PPP1R9A: variants seen among roughly 807,000 people sequenced by gnomAD.
PPP1R9A encodes protein phosphatase 1 regulatory subunit 9A.
In PPP1R9A, 59 loss-of-function variants were observed where a neutral mutation model predicts 141.9. That is an observed-to-expected ratio of 0.42 (90% CI 0.34 to 0.52). PPP1R9A has a LOEUF of 0.52. PPP1R9A is among the 20% of genes least tolerant of loss of function. PPP1R9A has a pLI of 0.10. For synonymous variants in PPP1R9A, 500 were observed against 569.7 expected, an observed-to-expected ratio of 0.88 and a Z score of 1.74; for missense variants, 1,444 against 1,611.9, an observed-to-expected ratio of 0.90 and a Z score of 1.78.
chr7:94,998,138 C>G (rs543733960), intron 2 of PPP1R9A, among the ~76,000 whole-genome samples: 1 of 152,048 alleles, frequency 6.6e-6, no homozygotes, highest in East Asian at 1.9e-4. Flanking sequence ...GTTTATTTTT[C>G]TTGTTTAGTG....
chr7:95,186,400 T>A (rs1471791509), intron 5 of PPP1R9A, among the ~76,000 whole-genome samples: 2 of 152,164 alleles, frequency 1.3e-5, no homozygotes, highest in East Asian at 3.9e-4. Context: ...ATTTGTCAGA[T>A]CCAGGAGCTT....
rs530209582 is a variant in PPP1R9A, at chr7:95,200,456, T to A, written c.1890+1972T>A. On this transcript the variant is annotated intron_variant, in intron 6 of 19. Coordinates refer to ENST00000433360, the MANE Select transcript of PPP1R9A (RefSeq NM_001166160.2). ...CCTGCTAATTAAAAAAAAAAAATTT[T>A]TTTTTTATAGATGAGGTCTCACTAT... Among the ~76,000 whole-genome samples, 14 of 151,986 alleles carry A rather than the reference T, an allele frequency of 9.2e-5. 1 individual carries two copies. In the East Asian group the frequency reaches 2.7e-3, roughly 30 times the overall value.
chr7:95,103,868 G>A (rs974194069), intron 2 of PPP1R9A, among the ~76,000 whole-genome samples: 1 of 152,164 alleles, frequency 6.6e-6, no homozygotes, highest in Non-Finnish European at 1.5e-5. Flanking sequence ...GAGATAATTT[G>A]TGTAAAGTGC....
chr7:95,127,568 G>A (rs1009536169), intron 4 of PPP1R9A, among the ~76,000 whole-genome samples: 22 of 150,782 alleles, frequency 1.5e-4, no homozygotes, highest in Non-Finnish European at 3.1e-4. Context: ...TTGTTAACTG[G>A]GTATATTGTG....
At chr7:95,061,823 A>C (rs1219073084) in intron 2 of PPP1R9A, among the ~76,000 whole-genome samples, 2 of 152,222 alleles carry the variant, frequency 1.3e-5, no homozygotes, top group African/African-American at 4.8e-5. Flanking sequence ...AGATACAATA[A>C]AACTTTATTA....
chr7:95,290,575 A>G lies in PPP1R9A; in HGVS notation c.*272A>G. 2.6e-6 allele frequency: 1 copy of G among 388,046 alleles called. No individual in the cohort carries two copies. Among genetic ancestry groups the G allele is most frequent in the Non-Finnish European group, 4.8e-6 (1 of 209,694 alleles). The allele number at this position is 388,046 out of a possible 1,614,324, so 24.0% of individuals were successfully genotyped here. ...TGTTTTGCTCTTCTCTAACTTACCA[A>G]CATCTTGTGTTGTGTTGGGTGTGTT... On this transcript the variant is annotated 3_prime_UTR_variant, in exon 20 of 20. Coordinates refer to ENST00000433360, the MANE Select transcript of PPP1R9A (RefSeq NM_001166160.2).
At chr7:95,232,703 G>A (rs1471246028) in intron 8 of PPP1R9A, among the ~76,000 whole-genome samples, 1 of 152,030 alleles carries the variant, frequency 6.6e-6, no homozygotes, top group African/African-American at 2.4e-5. Flanking sequence ...CAAAAAGTGG[G>A]CTAAGGATAT....
chr7:95,050,921 C>T (rs1810706808), intron 2 of PPP1R9A, among the ~76,000 whole-genome samples: 1 of 152,114 alleles, frequency 6.6e-6, no homozygotes, highest in South Asian at 2.1e-4. Context: ...ATGGGGGTCC[C>T]ATCAGTGCCA....
At chr7:95,074,284 A>T (rs1395766218) in intron 2 of PPP1R9A, among the ~76,000 whole-genome samples, 1 of 152,070 alleles carries the variant, frequency 6.6e-6, no homozygotes, top group Non-Finnish European at 1.5e-5. Flanking sequence ...TCCCATCTTA[A>T]TATTACTATA....
intron 16 of PPP1R9A, among the ~76,000 whole-genome samples, chr7:95,277,313 T>C (rs896877442): frequency 2.0e-5 from 3 of 152,290 alleles, no homozygotes; most frequent in African/African-American, 7.2e-5. Context: ...ATGCGCGACA[T>C]GAGACAACTA....
intron 8 of PPP1R9A, among the ~76,000 whole-genome samples, chr7:95,234,529 C>T (rs1388098922): frequency 7.2e-5 from 11 of 152,114 alleles, no homozygotes; most frequent in South Asian, 4.1e-4. Flanking sequence ...AAATCATAGA[C>T]GACACAAACA....
At chr7:95,229,077 C>G (rs1020209525) in intron 8 of PPP1R9A, among the ~76,000 whole-genome samples, 12 of 151,986 alleles carry the variant, frequency 7.9e-5, no homozygotes, top group African/African-American at 2.9e-4. Context: ...GCACTCCAGC[C>G]TGAGTGACAG....
In PPP1R9A at chr7:95,273,905, C is replaced by T. The variant is rs758433687; in HGVS notation, c.3131C>T (p.Ala1044Val). The T allele has an allele frequency of 2.0e-6, 3 of 1,500,562 alleles. No homozygotes were observed. 93.0% of individuals were successfully genotyped at this position (1,500,562 alleles called of 1,614,324 possible). Residue 1044 changes from alanine (A) to valine (V), a missense_variant, in exon 15 of 20, where the codon GCC becomes GTC. By Grantham distance (64) the Ala-to-Val change is moderately conservative. Coordinates refer to ENST00000433360, the MANE Select transcript of PPP1R9A (RefSeq NM_001166160.2). ...NKKILREKDDAKDPKSLRASS... is the reference protein window; with the variant it reads ...NKKILREKDDVKDPKSLRASS... ...ACAAATGTGTATATCCTAGATGATG[C>T]CAAAGATCCCAAATCACTAAGGGCA...
chr7:95,174,638 A>G (rs1477350483), intron 5 of PPP1R9A, among the ~76,000 whole-genome samples: 1 of 152,152 alleles, frequency 6.6e-6, no homozygotes, highest in Non-Finnish European at 1.5e-5. Context: ...GTGTCTCTTT[A>G]ACAAAGGCAG....
At chr7:95,053,105 G>A (rs772830162) in intron 2 of PPP1R9A, among the ~76,000 whole-genome samples, 2 of 152,090 alleles carry the variant, frequency 1.3e-5, no homozygotes, top group African/African-American at 2.4e-5. Flanking sequence ...TAGTAGCATT[G>A]GTGGGACGAC....
At chr7:95,092,690 T>C (rs1481895194) in intron 2 of PPP1R9A, among the ~76,000 whole-genome samples, 4 of 152,232 alleles carry the variant, frequency 2.6e-5, no homozygotes, top group African/African-American at 4.8e-5. Context: ...ACTAGTCCTG[T>C]GCTGAAGATG....
chr7:95,145,547 T>C (rs1827448618), intron 4 of PPP1R9A, among the ~76,000 whole-genome samples: 3 of 152,226 alleles, frequency 2.0e-5, no homozygotes, highest in African/African-American at 7.2e-5. Flanking sequence ...TTTGTTACTT[T>C]TGAATGTCAG....
chr7:95,205,180 T>G (rs1790523212), intron 7 of PPP1R9A, among the ~76,000 whole-genome samples: 1 of 152,250 alleles, frequency 6.6e-6, no homozygotes, highest in African/African-American at 2.4e-5. Flanking sequence ...GATAGGAACC[T>G]TCATCTAAAC....
intron 2 of PPP1R9A, among the ~76,000 whole-genome samples, chr7:95,042,407 CT>C (rs1554479196): frequency 6.6e-6 from 1 of 152,102 alleles, no homozygotes; most frequent in Non-Finnish European, 1.5e-5. Flanking sequence ...AGAAGTAGAA[CT>C]TTTTATATCA....
Sources: allele counts gnomAD v4.1 joint callset (sites outside exome capture counted in the v4.1 genomes callset), GRCh38; gene constraint gnomAD v4.1.1; transcripts MANE v1.5; gene names NCBI Gene and HGNC (gene_info 2026-07-23, HGNC 2026-07-21).